MACROD2: variants seen among roughly 807,000 people sequenced by gnomAD.
MACROD2 encodes ADP-ribose glycohydrolase MACROD2.
In MACROD2, 36 loss-of-function variants were observed where a neutral mutation model predicts 70.4. The ratio of observed to expected loss-of-function variants is 0.51; its 90% CI spans 0.39 to 0.68. The LOEUF is 0.68. Among genes scored for constraint, MACROD2 ranks in the 30% least tolerant of loss-of-function variants. The pLI is 0.00. For synonymous variants in MACROD2, 172 were observed against 178.8 expected, an observed-to-expected ratio of 0.96 and a Z score of 0.30; for missense variants, 496 against 538.4, an observed-to-expected ratio of 0.92 and a Z score of 0.78.
intron 3 of MACROD2, among the ~76,000 whole-genome samples, chr20:14,185,064 C>T (rs2081334058): frequency 6.6e-6 from 1 of 151,950 alleles, no homozygotes; most frequent in African/African-American, 2.4e-5. Context: ...CTGTAGGGTG[C>T]CTGAAACATA....
intron 7 of MACROD2, among the ~76,000 whole-genome samples, chr20:15,457,055 CTTTTTT>C (rs67567968): frequency 5.3e-5 from 7 of 132,186 alleles, no homozygotes; most frequent in Non-Finnish European, 6.3e-5. Context: ...TTCCTTTCTT[CTTTTTT>C]TTTTTTTTTT....
At chr20:14,998,141 G>C (rs1662259702) in intron 5 of MACROD2, among the ~76,000 whole-genome samples, 1 of 152,064 alleles carries the variant, frequency 6.6e-6, no homozygotes, top group Non-Finnish European at 1.5e-5. Flanking sequence ...AGAAAGGTCG[G>C]GTACAAATAA....
At chr20:14,124,873 TG>T (rs2054628880) in intron 3 of MACROD2, among the ~76,000 whole-genome samples, 1 of 152,204 alleles carries the variant, frequency 6.6e-6, no homozygotes, top group South Asian at 2.1e-4. Flanking sequence ...CAGCATTTTT[TG>T]TCATAGCCCA....
intron 5 of MACROD2, among the ~76,000 whole-genome samples, chr20:15,139,357 A>AT (rs2076174269): frequency 6.6e-6 from 1 of 151,776 alleles, no homozygotes; most frequent in Non-Finnish European, 1.5e-5. Context: ...TGTAAATTGT[A>AT]TTTTTTTCCT....
In MACROD2 at chr20:14,507,776, C is replaced by T. The variant is rs112365507; in HGVS notation, c.301+14268C>T. On this transcript the variant is annotated intron_variant, in intron 4 of 17. Transcript: ENST00000684519. ...GGCCATAAGGATGGTGGCCCATGTC[C>T]GTGATACAGTTTGCTGATGCTGCAG... 4.3e-4 allele frequency among the ~76,000 whole-genome samples: 66 copies of T among 152,230 alleles called. 1 individual carries two copies. Among genetic ancestry groups the T allele is most frequent in the African/African-American group, 1.5e-3 (62 of 41,544 alleles).
At chr20:15,605,539 T>G (rs2048882058) in intron 8 of MACROD2, among the ~76,000 whole-genome samples, 1 of 151,488 alleles carries the variant, frequency 6.6e-6, no homozygotes, top group Admixed American at 6.6e-5. Flanking sequence ...AAATCAGTGT[T>G]GGACCCAAAA....
chr20:14,870,759 C>T (rs1302376915), intron 5 of MACROD2, among the ~76,000 whole-genome samples: 1 of 152,000 alleles, frequency 6.6e-6, no homozygotes, highest in African/African-American at 2.4e-5. Flanking sequence ...TGAAAAGTGT[C>T]TGTTCATGTC....
chr20:15,207,435 G>GGTT (rs1568636957), intron 5 of MACROD2, among the ~76,000 whole-genome samples: 1 of 69,422 alleles, frequency 1.4e-5, no homozygotes, highest in African/African-American at 8.9e-5. Flanking sequence ...GTTTGTTTCT[G>GGTT]GTTTTTTTTT....
intron 5 of MACROD2, among the ~76,000 whole-genome samples, chr20:14,916,411 G>A (rs1045684421): frequency 5.9e-5 from 9 of 152,132 alleles, no homozygotes; most frequent in Non-Finnish European, 1.2e-4. Context: ...AAACTTGGGC[G>A]AAAAATCCAG....
chr20:14,520,957 GCACACACACACACACACGCA>G (rs1568651841), intron 4 of MACROD2, among the ~76,000 whole-genome samples: 1 of 57,426 alleles, frequency 1.7e-5, no homozygotes, highest in African/African-American at 7.2e-5. Context: ...GTGCGTGCGC[GCACACACACACACACACGCA>G]CACACACACC....
chr20:14,211,612 C>G (rs1333946953), intron 3 of MACROD2, among the ~76,000 whole-genome samples: 2 of 152,182 alleles, frequency 1.3e-5, no homozygotes, highest in African/African-American at 2.4e-5. Flanking sequence ...TGTTTACAGG[C>G]TCTCTGCTAT....
In MACROD2 at chr20:14,799,179, T is replaced by G. The variant is rs1600674715; in HGVS notation, c.418+114220T>G. 1.3e-5 allele frequency among the ~76,000 whole-genome samples: 2 copies of G among 152,074 alleles called. 1 individual carries two copies. Among genetic ancestry groups the G allele is most frequent in the East Asian group, 3.8e-4 (2 of 5,198 alleles). ...AATACTATTTTATCCTATAAAGATTTCTTATTTGTATAAATATACTTCTGA... is the reference window on the plus strand; with the variant it reads ...AATACTATTTTATCCTATAAAGATTGCTTATTTGTATAAATATACTTCTGA... On this transcript the variant is annotated intron_variant, in intron 5 of 17. Coordinates refer to ENST00000684519, the MANE Select transcript of MACROD2 (RefSeq NM_001351661.2).
chr20:15,567,746 G>A (rs1446154292), intron 8 of MACROD2, among the ~76,000 whole-genome samples: 1 of 152,192 alleles, frequency 6.6e-6, no homozygotes, highest in Non-Finnish European at 1.5e-5. Context: ...GCACATGAGT[G>A]AAACTCGCAC....
chr20:15,429,870 C>T lies in MACROD2; in HGVS notation c.541-1535C>T, dbSNP rs144343052. On this transcript the variant is annotated intron_variant, in intron 6 of 17. Transcript: ENST00000684519. The stretch of plus-strand genomic sequence containing the variant: ...GTGAAGACTAGGCTTTTAGTGTAAC[C>T]GTCACTCTAACAGTGTACATATACT... Among the ~76,000 whole-genome samples the T allele has an allele frequency of 1.7e-3, 257 of 152,076 alleles. 1 individual carries two copies. Among genetic ancestry groups the T allele is most frequent in the African/African-American group, 5.8e-3 (242 of 41,498 alleles).
intron 8 of MACROD2, among the ~76,000 whole-genome samples, chr20:15,814,116 A>G (rs1298426380): frequency 6.6e-6 from 1 of 152,206 alleles, no homozygotes; most frequent in East Asian, 1.9e-4. Flanking sequence ...GGACAGAAAA[A>G]AAGAAAATAT....
At chr20:14,044,888 C>T (rs1403229369) in intron 2 of MACROD2, among the ~76,000 whole-genome samples, 1 of 152,142 alleles carries the variant, frequency 6.6e-6, no homozygotes, top group Non-Finnish European at 1.5e-5. Context: ...GAGTGGCGCT[C>T]GGGGAGGCTC....
intron 4 of MACROD2, among the ~76,000 whole-genome samples, chr20:14,564,809 A>G (rs1979669077): frequency 6.6e-6 from 1 of 152,000 alleles, no homozygotes; most frequent in South Asian, 2.1e-4. Context: ...TAGAACTATC[A>G]TACTATCCAT....
intron 5 of MACROD2, among the ~76,000 whole-genome samples, chr20:15,009,945 T>A (rs1843770603): frequency 6.6e-6 from 1 of 152,138 alleles, no homozygotes; most frequent in African/African-American, 2.4e-5. Context: ...ATTGGCAAGA[T>A]TATGTTTCCT....
At chr20:15,821,403 T>A (rs1019054414) in intron 8 of MACROD2, among the ~76,000 whole-genome samples, 16 of 152,036 alleles carry the variant, frequency 1.1e-4, no homozygotes, top group African/African-American at 3.6e-4. Context: ...TATTTTAAAA[T>A]TTAGTTTTGA....
Sources: allele counts gnomAD v4.1 joint callset (sites outside exome capture counted in the v4.1 genomes callset), GRCh38; gene constraint gnomAD v4.1.1; transcripts MANE v1.5; gene names NCBI Gene and HGNC (gene_info 2026-07-23, HGNC 2026-07-21).